Variants in PLCB1 observed in about 807,000 individuals in gnomAD.
PLCB1 encodes phospholipase C beta 1, also known as 1-phosphatidylinositol 4,5-bisphosphate phosphodiesterase beta-1.
A neutral mutation model predicts 161.8 loss-of-function variants in PLCB1; 46 were observed. The ratio of observed to expected loss-of-function variants is 0.28; its 90% CI spans 0.22 to 0.36. The LOEUF (loss-of-function observed/expected upper bound fraction) is 0.36, where lower values mean the gene tolerates loss of function less well. PLCB1 is among the 10% of genes least tolerant of loss of function. The pLI is 1.00. For missense variants in PLCB1, 1,016 were observed against 1,472.5 expected (o/e 0.69, Z 5.07); for synonymous variants, 517 against 503.7 (o/e 1.03, Z -0.35).
chr20:8,298,943 A>C (rs1983762075), intron 2 of PLCB1, among the ~76,000 whole-genome samples: 2 of 152,250 alleles, frequency 1.3e-5, no homozygotes, highest in Non-Finnish European at 2.9e-5. Context: ...ATAGACATAG[A>C]CAGGTAGGTA....
chr20:8,315,843 A>G (rs1199019316), intron 2 of PLCB1, among the ~76,000 whole-genome samples: 1 of 152,198 alleles, frequency 6.6e-6, no homozygotes, highest in Non-Finnish European at 1.5e-5. Flanking sequence ...GCAAAGGGCA[A>G]CCGTAAGTGA....
intron 2 of PLCB1, among the ~76,000 whole-genome samples, chr20:8,210,812 T>C (rs937196733): frequency 7.2e-5 from 11 of 152,144 alleles, no homozygotes; most frequent in African/African-American, 2.7e-4. Context: ...TTAGTTCAAG[T>C]GAACATGTTA....
intron 2 of PLCB1, among the ~76,000 whole-genome samples, chr20:8,358,162 T>C (rs1408199589): frequency 7.4e-6 from 1 of 135,774 alleles, no homozygotes; most frequent in East Asian, 1.9e-4. Flanking sequence ...AGCCTTTGGG[T>C]TGAACCTAGC....
chr20:8,418,923 A>C (rs2122538484), intron 3 of PLCB1, among the ~76,000 whole-genome samples: 1 of 152,294 alleles, frequency 6.6e-6, no homozygotes, highest in African/African-American at 2.4e-5. Context: ...AGAGGGCAAC[A>C]GCTGAGGTTT....
At chr20:8,156,083 T>C (rs2051557971) in intron 2 of PLCB1, among the ~76,000 whole-genome samples, 1 of 152,182 alleles carries the variant, frequency 6.6e-6, no homozygotes, top group Admixed American at 6.5e-5. Flanking sequence ...TCACCACTCC[T>C]GAGAACATAA....
intron 2 of PLCB1, among the ~76,000 whole-genome samples, chr20:8,304,519 CCTT>C (rs750380700): frequency 2.6e-5 from 4 of 151,640 alleles, no homozygotes; most frequent in Admixed American, 2.0e-4. Context: ...GAATCAAAAA[CCTT>C]CTTCTGCTTG....
chr20:8,764,427 G>A (rs1982209553), intron 25 of PLCB1, among the ~76,000 whole-genome samples: 1 of 152,116 alleles, frequency 6.6e-6, no homozygotes, highest in Non-Finnish European at 1.5e-5. Context: ...CTTTCCATGA[G>A]TTCTTTTATT....
At chr20:8,372,562 CTA>C (rs1986938112) in intron 3 of PLCB1, among the ~76,000 whole-genome samples, 1 of 152,136 alleles carries the variant, frequency 6.6e-6, no homozygotes, top group South Asian at 2.1e-4. Context: ...AAGAAGGCTT[CTA>C]TAAGTGTTTC....
chr20:8,267,507 T>G (rs1982030711), intron 2 of PLCB1, among the ~76,000 whole-genome samples: 1 of 152,202 alleles, frequency 6.6e-6, no homozygotes, highest in African/African-American at 2.4e-5. Context: ...ATTCACTTTC[T>G]GCTTCCCTCC....
intron 4 of PLCB1, 146 bp from the exon 5 acceptor site, chr20:8,645,956 A>C (rs1989157259): frequency 1.8e-6 from 1 of 543,936 alleles, no homozygotes; most frequent in South Asian, 2.9e-5. Flanking sequence ...ATTTTTACCC[A>C]AAAAAGGGAT....
At chr20:8,689,085 A>AT (rs57357454) in intron 10 of PLCB1, among the ~76,000 whole-genome samples, 56 of 142,630 alleles carry the variant, frequency 3.9e-4, no homozygotes, top group East Asian at 2.3e-3. Flanking sequence ...ATTCCTCAGT[A>AT]TTTTTTTTTT....
intron 2 of PLCB1, among the ~76,000 whole-genome samples, chr20:8,314,487 G>A (rs1458852503): frequency 6.6e-6 from 1 of 152,154 alleles, no homozygotes; most frequent in Admixed American, 6.5e-5. Flanking sequence ...CAACAGACTT[G>A]ACTTCAAATT....
At chr20:8,825,253 A>G (rs1348463682) in intron 31 of PLCB1, among the ~76,000 whole-genome samples, 3 of 152,234 alleles carry the variant, frequency 2.0e-5, no homozygotes, top group Non-Finnish European at 4.4e-5. Flanking sequence ...TCTAGCTACA[A>G]ACCCAGACAA....
chr20:8,781,417 A>AAACAC (rs1983226623), intron 27 of PLCB1, among the ~76,000 whole-genome samples: 17 of 28,072 alleles, frequency 6.1e-4, no homozygotes, highest in African/African-American at 1.0e-3. Context: ...CACACACACA[A>AAACAC]ACACACACAC....
intron 2 of PLCB1, among the ~76,000 whole-genome samples, chr20:8,367,338 A>T (rs1986742887): frequency 6.6e-6 from 1 of 152,226 alleles, no homozygotes; most frequent in Non-Finnish European, 1.5e-5. Flanking sequence ...CAGCAACGTC[A>T]GCATCACCTG....
chr20:8,828,697 G>C (rs910559655), intron 31 of PLCB1, among the ~76,000 whole-genome samples: 1 of 152,138 alleles, frequency 6.6e-6, no homozygotes, highest in Admixed American at 6.5e-5. Context: ...AAGCACTCTA[G>C]GGAGCCCTGC....
chr20:8,686,265 CATG>C (rs1469550105), intron 10 of PLCB1, among the ~76,000 whole-genome samples: 1 of 152,138 alleles, frequency 6.6e-6, no homozygotes, highest in Non-Finnish European at 1.5e-5. Context: ...AGATCTTTGA[CATG>C]ATAAAATTCA....
At chr20:8,807,414 A>G (rs1984590503) in intron 31 of PLCB1, among the ~76,000 whole-genome samples, 1 of 152,172 alleles carries the variant, frequency 6.6e-6, no homozygotes, top group Admixed American at 6.5e-5. Flanking sequence ...AATGATGAAT[A>G]TTGATGTTCT....
intron 3 of PLCB1, among the ~76,000 whole-genome samples, chr20:8,606,168 G>C (rs1987752508): frequency 6.6e-6 from 1 of 152,018 alleles, no homozygotes; most frequent in African/African-American, 2.4e-5. Flanking sequence ...TTTTCCTATA[G>C]TTTCATCATC....
Sources: allele counts gnomAD v4.1 joint callset (sites outside exome capture counted in the v4.1 genomes callset), GRCh38; gene constraint gnomAD v4.1.1; transcripts MANE v1.5; gene names NCBI Gene and HGNC (gene_info 2026-07-23, HGNC 2026-07-21).